The following VASH1 variants were observed in gnomAD, a reference collection of about 807,000 sequenced individuals.
VASH1 encodes tubulinyl-Tyr carboxypeptidase 1.
VASH1 carries 16 observed loss-of-function variants against 35.0 expected under a neutral mutation model. The observed-to-expected ratio is 0.46, with a 90% CI of 0.31 to 0.70. The LOEUF is 0.70. Ranked by LOEUF, VASH1 falls within the 30% of genes least tolerant of loss-of-function variation. The probability of loss-of-function intolerance (pLI) is 0.05; values close to 1 mark genes in which losing one functional copy is unlikely to be tolerated. For synonymous variants in VASH1, 214 were observed against 200.9 expected, an observed-to-expected ratio of 1.07 and a Z score of -0.55; for missense variants, 505 against 510.7, an observed-to-expected ratio of 0.99 and a Z score of 0.11.
chr14:76,778,761 C>T (rs377364630), intron 6 of VASH1, among the ~76,000 whole-genome samples, 185 bp from the exon 7 acceptor site: 2 of 152,332 alleles, frequency 1.3e-5, no homozygotes, highest in Admixed American at 6.5e-5. Flanking sequence ...GCCGGGGCCA[C>T]ATTCAGACAG....
At chr14:76,772,202 C>T (rs992275344) in intron 3 of VASH1, among the ~76,000 whole-genome samples, 1 of 151,942 alleles carries the variant, frequency 6.6e-6, no homozygotes, top group Non-Finnish European at 1.5e-5. Context: ...ATCACGCCAC[C>T]GCACTCCAGC....
Position 76,775,976 on chromosome 14 carries a change from C to A in VASH1, c.615C>A (p.Ile205=). 1 of 1,612,042 alleles carries A rather than the reference C, an allele frequency of 6.2e-7. No homozygotes were observed. The highest frequency in any genetic ancestry group is 8.5e-7 in the Non-Finnish European group (1 of 1,179,414). The change falls in exon 5 of 7, where the codon ATC becomes ATA. Residue 205 remains isoleucine, a synonymous_variant. Coordinates refer to ENST00000167106, the MANE Select transcript of VASH1 (RefSeq NM_014909.5). ...TYFSGNYFRH[I]VLGVNFAGRY... ...TCTCAGGGAACTACTTCCGCCACAT[C>A]GTGCTGGGGGTGAACTTCGCGGGCC...
At chr14:76,774,967 C>T (rs1302130323) in intron 4 of VASH1, 2 of 152,212 alleles carry the variant, frequency 1.3e-5, no homozygotes, top group Non-Finnish European at 1.5e-5. Flanking sequence ...TGGGCCGAGC[C>T]GGTGCCGTGA....
intron 4 of VASH1, 113 bp downstream of exon 4, chr14:76,773,324 G>A (rs759775052): frequency 5.5e-6 from 6 of 1,085,096 alleles, no homozygotes. Context: ...CCCATATGCA[G>A]TCATCTGCTT....
rs1894118502 is a variant in VASH1, at chr14:76,781,888, C to T, written c.*2870C>T. 6.5e-6 allele frequency: 1 copy of T among 152,948 alleles called. No individual in the cohort carries two copies. The highest frequency in any genetic ancestry group is 2.1e-4 in the South Asian group (1 of 4,832). 9.5% of individuals were successfully genotyped at this position (152,948 alleles called of 1,614,324 possible). On this transcript the variant is annotated 3_prime_UTR_variant, in exon 7 of 7. Transcript: ENST00000167106. ...GGCAGGGACTTTGGGGCCTTAGTCA[C>T]CATCCATGGTATCACCTCATCTCAC...
chr14:76,779,136 G>A lies in VASH1; in HGVS notation c.*118G>A, dbSNP rs570685573. 1.7e-6 allele frequency: 2 copies of A among 1,157,938 alleles called. No individual in the cohort carries two copies. Among genetic ancestry groups the A allele is most frequent in the Non-Finnish European group, 2.6e-6 (2 of 782,968 alleles). 71.7% of individuals were successfully genotyped at this position (1,157,938 alleles called of 1,614,324 possible). On this transcript the variant is annotated 3_prime_UTR_variant, in exon 7 of 7. Transcript: ENST00000167106. The stretch of plus-strand genomic sequence containing the variant: ...GACAAGGCAGGGCAAGAGGCTGCAG[G>A]AAGAGTGTGTTCCAGCTCAGCCCCC...
At chr14:76,769,212 C>A in intron 1 of VASH1, 1 of 1,194,636 alleles carries the variant, frequency 8.4e-7, no homozygotes, top group Non-Finnish European at 1.1e-6. Context: ...TCTCCTCTGC[C>A]ATTTCTGGGC....
In VASH1 at chr14:76,777,899, G is replaced by C. The variant is rs112471681; in HGVS notation, c.913-60G>C. The C allele has an allele frequency of 1.5e-5, 19 of 1,305,508 alleles. No homozygotes were observed. In the East Asian group the frequency reaches 1.6e-4, roughly 11 times the overall value. 80.9% of individuals were successfully genotyped at this position (1,305,508 alleles called of 1,614,324 possible). ...TCCAGGGACCTGTGGCTCCTGGAAG[G>C]AGAGGTTGGGCTCCAGGGCAGTCCT... On this transcript the variant is annotated intron_variant, in intron 5 of 6. Transcript: ENST00000167106.
At position 76,777,971 on chromosome 14, in the gene VASH1, A is replaced by G; in HGVS notation, c.925A>G (p.Thr309Ala). ...RDMRLKIGKG[T>A]GPPSPTKDRK... ...CCTCTGCACCTAGATTGGCAAAGGG[A>G]CGGGCCCTCCCTCTCCCACCAAGGA... Residue 309 changes from threonine (T) to alanine (A), a missense_variant, in exon 6 of 7, where the codon ACG becomes GCG. Transcript: ENST00000167106. The G allele has an allele frequency of 6.5e-7, 1 of 1,531,818 alleles. No homozygotes were observed. Among genetic ancestry groups the G allele is most frequent in the Non-Finnish European group, 8.8e-7 (1 of 1,139,742 alleles). 94.9% of individuals were successfully genotyped at this position (1,531,818 alleles called of 1,614,324 possible).
chr14:76,773,809 T>C (rs1893857872), intron 4 of VASH1: 1 of 152,852 alleles, frequency 6.5e-6, no homozygotes, highest in Non-Finnish European at 1.5e-5. Flanking sequence ...AGGAAGTGTT[T>C]ATGGCTGGTT....
intron 1 of VASH1, 149 bp from the exon 2 acceptor site, chr14:76,769,814 G>C: frequency 1.3e-6 from 1 of 792,310 alleles, no homozygotes; most frequent in Non-Finnish European, 2.1e-6. Context: ...GAATGAGTGG[G>C]GTGCCAAGAA....
intron 1 of VASH1, among the ~76,000 whole-genome samples, chr14:76,765,039 G>A (rs1297969738): frequency 1.3e-5 from 2 of 152,054 alleles, no homozygotes; most frequent in African/African-American, 4.8e-5. Flanking sequence ...GGCAAGACTG[G>A]GTTTTGCTCA....
Position 76,779,388 on chromosome 14 carries a change from T to TA in VASH1, c.*370_*371insA, listed in dbSNP as rs1894039181. 4.3e-6 allele frequency: 3 copies of TA among 701,892 alleles called. No homozygotes were observed. The highest frequency in any genetic ancestry group is 1.8e-5 in the African/African-American group (1 of 57,124). The allele number at this position is 701,892 out of a possible 1,614,324, so 43.5% of individuals were successfully genotyped here. A position where few individuals can be genotyped will look rare whatever the true frequency, so the allele number is the denominator to read the frequency against. On this transcript the variant is annotated 3_prime_UTR_variant, in exon 7 of 7. Coordinates refer to ENST00000167106, the MANE Select transcript of VASH1 (RefSeq NM_014909.5). ...TCTGCTGGTGCCTCTGCCCCTGGCT[T>TA]CTCTCTGGGAGTTGGGTGCATCTTA...
intron 4 of VASH1, chr14:76,774,480 C>G (rs1316075907): frequency 6.6e-6 from 1 of 152,262 alleles, no homozygotes; most frequent in Non-Finnish European, 1.5e-5. Context: ...TGGTCCTTTT[C>G]CCCAGGAGGA....
chr14:76,771,086 C>T, intron 2 of VASH1, 104 bp from the exon 3 acceptor site: 1 of 997,588 alleles, frequency 1.0e-6, no homozygotes, highest in African/African-American at 1.7e-5. Context: ...GCTGTGCCCC[C>T]ATCTCCCCTC....
rs920327295 is a variant in VASH1, at chr14:76,776,218, G to T, written c.857G>T (p.Gly286Val). 1 of 1,609,022 alleles carries T rather than the reference G, an allele frequency of 6.2e-7. No homozygotes were observed. Among genetic ancestry groups the T allele is most frequent in the Non-Finnish European group, 8.5e-7 (1 of 1,179,464 alleles). Residue 286 changes from glycine (G) to valine (V), a missense_variant, in exon 5 of 7, where the codon GGC becomes GTC. Coordinates refer to ENST00000167106, the MANE Select transcript of VASH1 (RefSeq NM_014909.5). ...KHSVLDVERL[G>V]RDDFRKELER... ...TCGGTGCTGGACGTGGAGCGCCTGG[G>T]CCGCGATGACTTCCGCAAGGAGCTG...
chr14:76,772,994 A>C, intron 3 of VASH1, 143 bp from the exon 4 acceptor site: 1 of 656,020 alleles, frequency 1.5e-6, no homozygotes, highest in Non-Finnish European at 2.5e-6. Context: ...GTGTGGAGGG[A>C]GGTGCTGGGC....
Position 76,765,569 on chromosome 14 carries a change from C to G in VASH1, c.309+2439C>G, listed in dbSNP as rs144260470. 3.8e-3 allele frequency among the ~76,000 whole-genome samples: 585 copies of G among 152,286 alleles called. 4 individuals carry two copies. The highest frequency in any genetic ancestry group is 0.014 in the African/African-American group (566 of 41,556). On this transcript the variant is annotated intron_variant, in intron 1 of 6. Transcript: ENST00000167106. ...GTGCCAGTGGCAGGGTGGGCTGACC[C>G]CGCCCTTACCATCCCTAGGGGCCAT...
chr14:76,765,212 G>A (rs1197173903), intron 1 of VASH1, among the ~76,000 whole-genome samples: 2 of 149,208 alleles, frequency 1.3e-5, no homozygotes, highest in Non-Finnish European at 3.0e-5. Flanking sequence ...GAAATAGTGA[G>A]CTCACTAGTA....
Sources: gnomAD v4.1 joint callset for allele counts (sites outside exome capture counted in the v4.1 genomes callset) on GRCh38, gnomAD v4.1.1 for gene constraint, MANE v1.5 for transcripts, NCBI Gene and HGNC (gene_info 2026-07-23, HGNC 2026-07-21) for gene names.